The following EGF variants were observed in gnomAD, a reference collection of about 807,000 sequenced individuals.
The protein encoded by EGF is epidermal growth factor.
In EGF, 95 loss-of-function variants were observed where a neutral mutation model predicts 143.8. The ratio of observed to expected loss-of-function variants is 0.66; its 90% confidence interval spans 0.56 to 0.78. The LOEUF (loss-of-function observed/expected upper bound fraction) is 0.78, where lower values mean the gene tolerates loss of function less well. Ranked by LOEUF, EGF falls within the 30% of genes least tolerant of loss-of-function variation. The pLI is 0.00. For synonymous variants in EGF, 510 were observed against 510.5 expected (o/e 1.00, Z 0.01); for missense variants, 1,320 against 1,470.9 (o/e 0.90, Z 1.68).
At chr4:109,917,805 A>G (rs1736966224) in intron 1 of EGF, among the ~76,000 whole-genome samples, 1 of 151,996 alleles carries the variant, frequency 6.6e-6, no homozygotes, top group South Asian at 2.1e-4. Flanking sequence ...TTTTTAGTAG[A>G]GATGGGGTTT....
chr4:110,000,186 G>T (rs918226853), intron 21 of EGF, among the ~76,000 whole-genome samples: 15 of 151,508 alleles, frequency 9.9e-5, no homozygotes, highest in African/African-American at 1.7e-4. Context: ...GGGAGGCAGG[G>T]GTTGCAGTGA....
chr4:109,990,269 A>G (rs992293641), intron 18 of EGF, among the ~76,000 whole-genome samples: 6 of 152,204 alleles, frequency 3.9e-5, no homozygotes, highest in Non-Finnish European at 7.3e-5. Context: ...TTGCAAGGAA[A>G]ACGTGACCTA....
intron 16 of EGF, among the ~76,000 whole-genome samples, chr4:109,984,533 T>G (rs1013969213): frequency 6.6e-6 from 1 of 152,192 alleles, no homozygotes; most frequent in African/African-American, 2.4e-5. Context: ...TCTGCACATA[T>G]GCAAGTCCCA....
intron 16 of EGF, 105 bp from the exon 17 acceptor site, chr4:109,987,639 A>T: frequency 1.1e-6 from 1 of 926,106 alleles, no homozygotes; most frequent in Non-Finnish European, 1.8e-6. Flanking sequence ...CTGTCCCAGA[A>T]CTTGGGAAAG....
chr4:109,961,713 T>G, intron 7 of EGF, 150 bp from the exon 8 acceptor site: 1 of 889,286 alleles, frequency 1.1e-6, no homozygotes, highest in East Asian at 2.8e-5. Flanking sequence ...CATTAAAAAA[T>G]TAAGGCTAGG....
At position 109,969,071 on chromosome 4, in the gene EGF, G is replaced by A. The variant is rs747643937; in HGVS notation, c.1676G>A (p.Gly559Asp). The A allele has an allele frequency of 6.2e-7, 1 of 1,614,202 alleles. No individual in the cohort carries two copies. ...LIEEGVDVPEGLAVDWIGRRF... is the reference protein window; with the variant it reads ...LIEEGVDVPEDLAVDWIGRRF... ...GAGGAAGGAGTAGATGTGCCAGAAG[G>A]TCTTGCTGTGGACTGGATTGGCCGT... Residue 559 changes from glycine to aspartate, a missense_variant, in exon 11 of 24, where the codon GGT becomes GAT. Transcript: ENST00000265171.
At chr4:109,980,414 C>T (rs1749167803) in intron 14 of EGF, among the ~76,000 whole-genome samples, 1 of 152,292 alleles carries the variant, frequency 6.6e-6, no homozygotes, top group Non-Finnish European at 1.5e-5. Flanking sequence ...GCAATTTAGA[C>T]ACCGGCAGTG....
rs764063043 is a variant in EGF at position 109,941,031 on chromosome 4, G to A, written c.213G>A (p.Val71=). The change falls in exon 2 of 24, where the codon GTG becomes GTA. Residue 71 remains valine, a synonymous_variant. Coordinates refer to ENST00000265171, the MANE Select transcript of EGF (RefSeq NM_001963.6). ...GAACCAATTATGAGCAATTGGTGGTGGATGCTGGTGTCTCAGTGATCATGG... is the reference window on the plus strand; with the variant it reads ...GAACCAATTATGAGCAATTGGTGGTAGATGCTGGTGTCTCAGTGATCATGG... ...TEGTNYEQLV[V]DAGVSVIMDF... 1.2e-6 allele frequency: 2 copies of A among 1,614,022 alleles called. No individual in the cohort carries two copies. Among genetic ancestry groups the A allele is most frequent in the Admixed American group, 3.3e-5 (2 of 60,022 alleles).
chr4:109,958,697 G>A (rs996166689), intron 5 of EGF, among the ~76,000 whole-genome samples: 1 of 152,104 alleles, frequency 6.6e-6, no homozygotes, highest in East Asian at 1.9e-4. Flanking sequence ...GGGAGGCTGA[G>A]GTGGGCAGAT....
intron 5 of EGF, among the ~76,000 whole-genome samples, chr4:109,947,224 C>T (rs1743016657): frequency 6.6e-6 from 1 of 152,118 alleles, no homozygotes; most frequent in Non-Finnish European, 1.5e-5. Flanking sequence ...AATCGTTAGG[C>T]TGCTCAATGT....
At chr4:109,953,868 G>C (rs989344347) in intron 5 of EGF, among the ~76,000 whole-genome samples, 5 of 152,068 alleles carry the variant, frequency 3.3e-5, no homozygotes, top group African/African-American at 1.2e-4. Flanking sequence ...TGGTAGTGGA[G>C]GCATATACAC....
chr4:109,982,156 A>G (rs1749467927), intron 15 of EGF, among the ~76,000 whole-genome samples: 1 of 150,388 alleles, frequency 6.6e-6, no homozygotes, highest in South Asian at 2.1e-4. Context: ...ATGTATTTAA[A>G]TTATTAATTT....
chr4:109,923,217 A>T (rs1560629035), intron 1 of EGF, among the ~76,000 whole-genome samples: 1 of 151,586 alleles, frequency 6.6e-6, no homozygotes, highest in East Asian at 1.9e-4. Flanking sequence ...ATATGTATAT[A>T]GGTAAGGCCC....
chr4:109,938,412 G>A (rs527518386), intron 1 of EGF, among the ~76,000 whole-genome samples: 4 of 152,106 alleles, frequency 2.6e-5, no homozygotes, highest in African/African-American at 9.7e-5. Context: ...TTATCCATTT[G>A]TCTCACCTTT....
intron 5 of EGF, among the ~76,000 whole-genome samples, chr4:109,950,703 G>C (rs1743749508): frequency 6.6e-6 from 1 of 152,138 alleles, no homozygotes; most frequent in African/African-American, 2.4e-5. Context: ...GCTCTCTCCT[G>C]CAGCCCAGTC....
chr4:109,992,743 T>C lies in EGF; in HGVS notation c.2735-504T>C, dbSNP rs543931147. Among the ~76,000 whole-genome samples, 9 of 152,102 alleles carry C rather than the reference T, an allele frequency of 5.9e-5. No homozygotes were observed. In the South Asian group the frequency reaches 1.9e-3, roughly 32 times the overall value. ...CTGGATTAAGAAAATGTGGCACATA[T>C]ACACCATGGAATACTATGCAACCAT... On this transcript the variant is annotated intron_variant, in intron 18 of 23. Coordinates refer to ENST00000265171, the MANE Select transcript of EGF (RefSeq NM_001963.6).
rs556859451 is a variant in EGF, at chr4:109,968,587, CTCTA to C, written c.1576-374_1576-371del. The stretch of plus-strand genomic sequence containing the variant: ...GCTAAGGAGATCTATCTATCTATCT[CTCTA>C]TCTATCTATAGCAATAACAATAGCA... On this transcript the variant is annotated intron_variant, in intron 10 of 23. Transcript: ENST00000265171. Among the ~76,000 whole-genome samples the C allele has an allele frequency of 9.9e-5, 15 of 152,124 alleles. No homozygotes were observed. The South Asian group carries it at 2.1e-3, about 21-fold the overall frequency.
rs114776656 is a variant in EGF at position 109,977,833 on chromosome 4, G to A, written c.2053+1598G>A. On this transcript the variant is annotated intron_variant, in intron 13 of 23. Coordinates refer to ENST00000265171, the MANE Select transcript of EGF (RefSeq NM_001963.6). ...CCAGCCTGGGTGACGGAGTGAAACC[G>A]TCTCAAAAAATACAAAAACCAAAAA... Among the ~76,000 whole-genome samples, 917 of 152,104 alleles carry A rather than the reference G, an allele frequency of 6.0e-3. 15 individuals carry two copies. The highest frequency in any genetic ancestry group is 0.02 in the African/African-American group (848 of 41,490).
intron 22 of EGF, among the ~76,000 whole-genome samples, chr4:110,005,293 G>T (rs1298500924): frequency 2.6e-5 from 4 of 151,482 alleles, no homozygotes; most frequent in Admixed American, 1.3e-4. Flanking sequence ...CAATCCACCT[G>T]CCCGGGCCTC....
Sources: gnomAD v4.1 joint callset for allele counts (sites outside exome capture counted in the v4.1 genomes callset) on GRCh38, gnomAD v4.1.1 for gene constraint, MANE v1.5 for transcripts, NCBI Gene and HGNC (gene_info 2026-07-23, HGNC 2026-07-21) for gene names.